Variants in PTCHD4 observed in about 807,000 individuals in gnomAD.
The protein encoded by PTCHD4 is patched domain-containing protein 4.
PTCHD4 carries 33 observed loss-of-function variants against 58.1 expected under a neutral mutation model. The observed-to-expected ratio is 0.57, with a 90% CI of 0.43 to 0.76. The LOEUF (loss-of-function observed/expected upper bound fraction) is 0.76. Among genes scored for constraint, PTCHD4 ranks in the 30% least tolerant of loss-of-function variants. PTCHD4 has a pLI of 0.00. For missense variants in PTCHD4, 1,058 were observed against 1,027.1 expected, an observed-to-expected ratio of 1.03 and a Z score of -0.41; for synonymous variants, 478 against 409.6, an observed-to-expected ratio of 1.17 and a Z score of -2.02.
At chr6:47,975,623 C>T (rs1261909304) in intron 4 of PTCHD4, among the ~76,000 whole-genome samples, 2 of 152,162 alleles carry the variant, frequency 1.3e-5, no homozygotes, top group Non-Finnish European at 2.9e-5. Flanking sequence ...TGTCTTCCTT[C>T]CCCCATGCAT....
At chr6:48,102,293 A>G (rs1252659924) in intron 1 of PTCHD4, among the ~76,000 whole-genome samples, 1 of 152,214 alleles carries the variant, frequency 6.6e-6, no homozygotes, top group Non-Finnish European at 1.5e-5. Flanking sequence ...AATAGCCTAG[A>G]TGTGAGTGAG....
chr6:48,021,311 G>A (rs183085326), intron 3 of PTCHD4, among the ~76,000 whole-genome samples: 2 of 152,012 alleles, frequency 1.3e-5, no homozygotes, highest in African/African-American at 4.8e-5. Context: ...GTAGGGAAAA[G>A]TGCTAACACA....
intron 3 of PTCHD4, among the ~76,000 whole-genome samples, chr6:48,025,855 A>C (rs1165640296): frequency 6.6e-6 from 1 of 152,156 alleles, no homozygotes; most frequent in African/African-American, 2.4e-5. Context: ...GCAAGAAAAT[A>C]CTGAGAGAGG....
chr6:47,962,897 C>T (rs1211138469), intron 4 of PTCHD4, among the ~76,000 whole-genome samples: 2 of 151,342 alleles, frequency 1.3e-5, no homozygotes, highest in Non-Finnish European at 2.9e-5. Context: ...CGGTGGCTCA[C>T]GCCTGTAATC....
At chr6:48,024,579 T>C (rs1008645416) in intron 3 of PTCHD4, among the ~76,000 whole-genome samples, 10 of 152,080 alleles carry the variant, frequency 6.6e-5, no homozygotes, top group Non-Finnish European at 1.3e-4. Context: ...ACAACTGAGC[T>C]CACAGAATTT....
chr6:48,048,504 C>T (rs1283407252), intron 3 of PTCHD4, among the ~76,000 whole-genome samples: 1 of 151,828 alleles, frequency 6.6e-6, no homozygotes, highest in Admixed American at 6.6e-5. Flanking sequence ...TCCTATGTTG[C>T]CAAAATGGGG....
intron 4 of PTCHD4, among the ~76,000 whole-genome samples, chr6:47,908,121 C>T (rs1252961989): frequency 6.6e-6 from 1 of 152,078 alleles, no homozygotes; most frequent in East Asian, 1.9e-4. Flanking sequence ...ACCCAAAAAG[C>T]ACTGCAAAGG....
intron 3 of PTCHD4, among the ~76,000 whole-genome samples, chr6:48,013,754 T>C (rs1762774162): frequency 6.6e-6 from 1 of 152,152 alleles, no homozygotes; most frequent in South Asian, 2.1e-4. Flanking sequence ...AGAAAGTTTT[T>C]AAAAAGCATT....
In PTCHD4 at chr6:47,888,992, AT is replaced by A. The variant is rs566542708; in HGVS notation, c.899-9057del. On this transcript the variant is annotated intron_variant, in intron 4 of 4. Coordinates refer to ENST00000339488, the MANE Select transcript of PTCHD4 (RefSeq NM_001384253.1). Reference sequence around the variant, plus strand: ...TCCCTACAAAGGACATGAACTCATCATTTTTTATGGCTGCATAGTATTCCAT... The same window carrying A: ...TCCCTACAAAGGACATGAACTCATCATTTTTATGGCTGCATAGTATTCCAT... 7.1e-3 allele frequency among the ~76,000 whole-genome samples: 309 copies of A among 43,484 alleles called. 4 individuals carry two copies. The highest frequency in any genetic ancestry group is 0.027 in the African/African-American group (287 of 10,548). The allele number at this position is 43,484 out of a possible 152,430, so 28.5% of individuals were successfully genotyped here. A position where few individuals can be genotyped will look rare whatever the true frequency, so the allele number is the denominator to read the frequency against.
At chr6:48,090,630 A>G (rs774117733) in intron 1 of PTCHD4, among the ~76,000 whole-genome samples, 4 of 152,202 alleles carry the variant, frequency 2.6e-5, no homozygotes, top group Non-Finnish European at 5.9e-5. Flanking sequence ...CGAGAAAACC[A>G]GGGTATAAAG....
At chr6:48,050,562 T>G (rs184637470) in intron 3 of PTCHD4, among the ~76,000 whole-genome samples, 25 of 152,132 alleles carry the variant, frequency 1.6e-4, no homozygotes, top group Admixed American at 1.6e-3. Context: ...GTTTTCTCAC[T>G]GTAAAAATGA....
rs1325021194 is a variant in PTCHD4 at position 47,865,339 on chromosome 6, C to G, written c.*12964G>C. Reference sequence around the variant, plus strand: ...TTCCCCAAGTTAGATATGCAGAAAACCAAATCAACTGTTCTGTAAAGATAA... The same window carrying G: ...TTCCCCAAGTTAGATATGCAGAAAAGCAAATCAACTGTTCTGTAAAGATAA... On this transcript the variant is annotated 3_prime_UTR_variant, in exon 5 of 5. Transcript: ENST00000339488. Among the ~76,000 whole-genome samples the G allele has an allele frequency of 1.3e-5, 2 of 151,778 alleles. No homozygotes were observed.
intron 1 of PTCHD4, among the ~76,000 whole-genome samples, chr6:48,073,275 T>C (rs1171582020): frequency 1.3e-5 from 2 of 152,194 alleles, no homozygotes; most frequent in African/African-American, 4.8e-5. Context: ...AGTTGGGACT[T>C]ATTAGCTTGT....
At position 48,084,076 on chromosome 6, in the gene PTCHD4, G is replaced by A. The variant is rs185388011; in HGVS notation, c.-969-14150C>T. On this transcript the variant is annotated intron_variant, in intron 1 of 4. Coordinates refer to ENST00000339488, the MANE Select transcript of PTCHD4 (RefSeq NM_001384253.1). ...CTCCTATATGGGGTTCGAATTTAGC[G>A]TTCTCAACCATCAAAATTAATTGCA... Among the ~76,000 whole-genome samples the A allele has an allele frequency of 2.1e-4, 32 of 151,736 alleles. No homozygotes were observed. In the East Asian group the frequency reaches 5.8e-3, roughly 28 times the overall value.
intron 1 of PTCHD4, among the ~76,000 whole-genome samples, chr6:48,099,452 T>C (rs1765550832): frequency 6.6e-6 from 1 of 152,094 alleles, no homozygotes; most frequent in South Asian, 2.1e-4. Flanking sequence ...TTCCACAGGA[T>C]AACAGCAACA....
intron 4 of PTCHD4, among the ~76,000 whole-genome samples, chr6:47,971,647 A>G (rs1767516720): frequency 6.6e-6 from 1 of 152,200 alleles, no homozygotes; most frequent in African/African-American, 2.4e-5. Context: ...ATGGAATAAA[A>G]ACATTTTCAG....
intron 4 of PTCHD4, among the ~76,000 whole-genome samples, chr6:47,896,544 A>G (rs2114136963): frequency 6.6e-6 from 1 of 152,360 alleles, no homozygotes; most frequent in Middle Eastern, 3.4e-3. Flanking sequence ...ATTATTTTCC[A>G]TATTCAATTT....
At chr6:48,077,743 G>A (rs1039176217) in intron 1 of PTCHD4, among the ~76,000 whole-genome samples, 1 of 152,100 alleles carries the variant, frequency 6.6e-6, no homozygotes, top group Non-Finnish European at 1.5e-5. Flanking sequence ...TGTATCTCAG[G>A]GGAATAGGCA....
chr6:48,046,092 G>A (rs1191535810), intron 3 of PTCHD4, among the ~76,000 whole-genome samples: 4 of 151,854 alleles, frequency 2.6e-5, no homozygotes, highest in Non-Finnish European at 2.9e-5. Context: ...TAAATACCAG[G>A]GGACAAATGA....
Sources: allele counts gnomAD v4.1 joint callset (sites outside exome capture counted in the v4.1 genomes callset), GRCh38; gene constraint gnomAD v4.1.1; transcripts MANE v1.5; gene names NCBI Gene and HGNC (gene_info 2026-07-23, HGNC 2026-07-21).